RYR2: variants seen among roughly 807,000 people sequenced by gnomAD.
RYR2 encodes cardiac muscle ryanodine receptor-calcium release channel.
Under a neutral mutation model 601.1 loss-of-function variants are expected in RYR2, and 227 were observed. That is an observed-to-expected ratio of 0.38 (90% CI 0.34 to 0.42). The LOEUF (loss-of-function observed/expected upper bound fraction) is 0.42, where lower values mean the gene tolerates loss of function less well. Among genes scored for constraint, RYR2 ranks in the 10% least tolerant of loss-of-function variants. RYR2 has a pLI of 1.00. For missense variants in RYR2, 4,646 were observed against 6,156.5 expected, an observed-to-expected ratio of 0.75 and a Z score of 8.21; for synonymous variants, 2,223 against 2,175.1, an observed-to-expected ratio of 1.02 and a Z score of -0.61.
At chr1:237,347,314 AAAAC>A (rs1156271932) in intron 3 of RYR2, among the ~76,000 whole-genome samples, 4 of 152,184 alleles carry the variant, frequency 2.6e-5, no homozygotes, top group Admixed American at 6.5e-5. Context: ...CCCCGTCTCA[AAAAC>A]AAACAAACAG....
chr1:237,483,264 T>A (rs1662318267), intron 17 of RYR2, among the ~76,000 whole-genome samples: 1 of 152,230 alleles, frequency 6.6e-6, no homozygotes, highest in Non-Finnish European at 1.5e-5. Context: ...TTGGTAATTC[T>A]TCCCTGTTGA....
At chr1:237,256,035 C>G (rs1237501696) in intron 1 of RYR2, among the ~76,000 whole-genome samples, 1 of 152,094 alleles carries the variant, frequency 6.6e-6, no homozygotes, top group Admixed American at 6.6e-5. Flanking sequence ...TGTCGCCACC[C>G]AAATCTCATC....
intron 1 of RYR2, among the ~76,000 whole-genome samples, chr1:237,157,318 A>AAAAAG (rs1675497095): frequency 7.1e-6 from 1 of 140,696 alleles, no homozygotes; most frequent in Non-Finnish European, 1.6e-5. Context: ...AAAAAAAAAA[A>AAAAAG]AAAGAAAGAA....
intron 58 of RYR2, among the ~76,000 whole-genome samples, chr1:237,672,370 T>C (rs1685027673): frequency 6.6e-6 from 1 of 152,188 alleles, no homozygotes; most frequent in African/African-American, 2.4e-5. Flanking sequence ...TTAATAGCAT[T>C]CTCTGGGACT....
intron 61 of RYR2, 67 bp downstream of exon 61, chr1:237,678,179 G>A (rs763871067): frequency 5.5e-5 from 47 of 859,276 alleles, no homozygotes; most frequent in Non-Finnish European, 7.5e-5. Context: ...TCATTAGATC[G>A]TTGCCCTTTT....
In RYR2 at chr1:237,732,043, C is replaced by T; in HGVS notation, c.10936-3C>T. The T allele has an allele frequency of 6.3e-7, 1 of 1,583,852 alleles. No homozygotes were observed. Among genetic ancestry groups the T allele is most frequent in the Non-Finnish European group, 8.6e-7 (1 of 1,164,904 alleles). ...ACATTTTATAAATTTGACTTTTTTGCAGAAACCTGGGGCTGAACCTCCAGA... is the reference window on the plus strand; with the variant it reads ...ACATTTTATAAATTTGACTTTTTTGTAGAAACCTGGGGCTGAACCTCCAGA... On this transcript the variant is annotated splice_region_variant and splice_polypyrimidine_tract_variant and intron_variant, in intron 77 of 104. Coordinates refer to ENST00000366574, the MANE Select transcript of RYR2 (RefSeq NM_001035.3).
At chr1:237,447,776 T>TCTCTCTC (rs1657555842) in intron 14 of RYR2, among the ~76,000 whole-genome samples, 1 of 151,604 alleles carries the variant, frequency 6.6e-6, no homozygotes, top group African/African-American at 2.4e-5. Flanking sequence ...TCCGTCTGTC[T>TCTCTCTC]CTCTCTCCTC....
intron 27 of RYR2, among the ~76,000 whole-genome samples, chr1:237,564,721 A>C (rs1429973706): frequency 2.0e-5 from 3 of 152,172 alleles, no homozygotes; most frequent in Non-Finnish European, 4.4e-5. Flanking sequence ...AACCATAGAA[A>C]TGTTTCTCTG....
intron 10 of RYR2, among the ~76,000 whole-genome samples, chr1:237,407,868 G>A (rs920728207): frequency 2.6e-5 from 4 of 151,854 alleles, no homozygotes; most frequent in South Asian, 2.1e-4. Context: ...CACCTGCCTC[G>A]GCCTCCCAAA....
chr1:237,437,532 A>G (rs1398768771), intron 12 of RYR2, among the ~76,000 whole-genome samples: 2 of 152,136 alleles, frequency 1.3e-5, no homozygotes. Context: ...TCCTGAGGTT[A>G]TGTGGGGTCA....
At chr1:237,050,974 G>A (rs991698057) in intron 1 of RYR2, among the ~76,000 whole-genome samples, 3 of 152,190 alleles carry the variant, frequency 2.0e-5, no homozygotes, top group East Asian at 1.9e-4. Flanking sequence ...TCACACACAC[G>A]CACACATGTG....
chr1:237,427,536 A>C (rs1321285679), intron 12 of RYR2, among the ~76,000 whole-genome samples: 1 of 152,138 alleles, frequency 6.6e-6, no homozygotes, highest in Non-Finnish European at 1.5e-5. Context: ...CACTCCCAGC[A>C]CTTTGGGAGA....
intron 77 of RYR2, 64 bp from the exon 78 acceptor site, chr1:237,731,982 G>A (rs1690727574): frequency 9.9e-7 from 1 of 1,007,504 alleles, no homozygotes; most frequent in Middle Eastern, 2.1e-4. Flanking sequence ...CCTTCACAGT[G>A]CTTTTGGATT....
chr1:237,309,206 G>A (rs1306093437), intron 2 of RYR2, among the ~76,000 whole-genome samples: 1 of 138,698 alleles, frequency 7.2e-6, no homozygotes, highest in East Asian at 2.1e-4. Context: ...GACACAGGGT[G>A]CTGATTGGTG....
intron 12 of RYR2, among the ~76,000 whole-genome samples, chr1:237,435,876 G>A (rs1015626094): frequency 6.6e-6 from 1 of 152,128 alleles, no homozygotes; most frequent in Non-Finnish European, 1.5e-5. Flanking sequence ...TATTATATAG[G>A]TTTGCTTAAT....
chr1:237,282,268 T>C (rs556306952), intron 2 of RYR2, among the ~76,000 whole-genome samples: 9 of 152,070 alleles, frequency 5.9e-5, no homozygotes, highest in Admixed American at 1.3e-4. Context: ...AGCTTGGACA[T>C]TGCAGTGTGA....
At chr1:237,521,286 G>A (rs1201967452) in intron 24 of RYR2, among the ~76,000 whole-genome samples, 1 of 152,138 alleles carries the variant, frequency 6.6e-6, no homozygotes, top group Non-Finnish European at 1.5e-5. Context: ...GATTAACATA[G>A]ACACAACAGT....
At position 237,757,880 on chromosome 1, in the gene RYR2, C is replaced by T; in HGVS notation, c.11325+104C>T. Reference sequence around the variant, plus strand: ...GTTTTATTTTCTATGTACAATATGGCTCAATTTTAGTTTACCACAGTACTG... The same window carrying T: ...GTTTTATTTTCTATGTACAATATGGTTCAATTTTAGTTTACCACAGTACTG... On this transcript the variant is annotated intron_variant, in intron 82 of 104. Coordinates refer to ENST00000366574, the MANE Select transcript of RYR2 (RefSeq NM_001035.3). The T allele has an allele frequency of 2.8e-6, 2 of 724,742 alleles. 1 individual carries two copies. Among genetic ancestry groups the T allele is most frequent in the Non-Finnish European group, 4.6e-6 (2 of 431,418 alleles). The allele number at this position is 724,742 out of a possible 1,614,324, so 44.9% of individuals were successfully genotyped here. A position where few individuals can be genotyped will look rare whatever the true frequency, so the allele number is the denominator to read the frequency against.
intron 1 of RYR2, among the ~76,000 whole-genome samples, chr1:237,269,173 G>T (rs1689431823): frequency 6.7e-6 from 1 of 150,204 alleles, no homozygotes; most frequent in Non-Finnish European, 1.5e-5. Flanking sequence ...CTCCTGAGTA[G>T]CTGGGATTAC....
Sources: gnomAD v4.1 joint callset for allele counts (sites outside exome capture counted in the v4.1 genomes callset) on GRCh38, gnomAD v4.1.1 for gene constraint, MANE v1.5 for transcripts, NCBI Gene and HGNC (gene_info 2026-07-23, HGNC 2026-07-21) for gene names.